The following PTPN12 variants were observed in gnomAD, a reference collection of about 807,000 sequenced individuals.
PTPN12 encodes protein tyrosine phosphatase non-receptor type 12, also known as tyrosine-protein phosphatase non-receptor type 12.
A neutral mutation model predicts 97.6 loss-of-function variants in PTPN12; 29 were observed. The ratio of observed to expected loss-of-function variants is 0.30; its 90% CI spans 0.22 to 0.41. The LOEUF is 0.41. PTPN12 is among the 10% of genes least tolerant of loss of function. PTPN12 has a pLI of 1.00. For synonymous variants in PTPN12, 327 were observed against 300.4 expected (o/e 1.09, Z -0.91); for missense variants, 819 against 926.0 (o/e 0.88, Z 1.50).
chr7:77,564,937 T>C (rs1260322341), intron 1 of PTPN12, among the ~76,000 whole-genome samples: 1 of 144,278 alleles, frequency 6.9e-6, no homozygotes, highest in East Asian at 1.9e-4. Flanking sequence ...TTTGTATTTT[T>C]AGTAGAGATG....
chr7:77,631,753 AAATG>A (rs1789405632), intron 13 of PTPN12, among the ~76,000 whole-genome samples: 1 of 152,254 alleles, frequency 6.6e-6, no homozygotes, highest in Non-Finnish European at 1.5e-5. Flanking sequence ...AGCAATAAAT[AAATG>A]AAGATTTTTT....
intron 9 of PTPN12, 91 bp from the exon 10 acceptor site, chr7:77,610,674 A>C (rs1329544351): frequency 1.6e-6 from 2 of 1,273,388 alleles, no homozygotes; most frequent in South Asian, 2.7e-5. Context: ...GTAAACCAGC[A>C]GGTATTTAAG....
intron 2 of PTPN12, among the ~76,000 whole-genome samples, chr7:77,576,704 AAAG>A (rs1279443399): frequency 2.0e-5 from 3 of 152,188 alleles, no homozygotes; most frequent in Non-Finnish European, 2.9e-5. Flanking sequence ...CTCAAAAAAA[AAAG>A]AGCACCAATG....
intron 4 of PTPN12, chr7:77,583,966 A>G: frequency 4.4e-6 from 1 of 227,662 alleles, no homozygotes; most frequent in South Asian, 6.4e-5. Flanking sequence ...ACTTGATAGT[A>G]CAGTTATACT....
chr7:77,625,530 A>T (rs6953994), intron 12 of PTPN12, among the ~76,000 whole-genome samples: 1,118 of 14,190 alleles, frequency 0.079, 40 homozygotes, highest in East Asian at 0.11. Flanking sequence ...TCTCACTCTC[A>T]CTCTCACTCG....
Position 77,637,036 on chromosome 7 carries a change from A to T in PTPN12, c.2161A>T (p.Asn721Tyr), listed in dbSNP as rs763559761. 6.2e-7 allele frequency: 1 copy of T among 1,607,784 alleles called. No homozygotes were observed. Among genetic ancestry groups the T allele is most frequent in the South Asian group, 1.1e-5 (1 of 90,486 alleles). The change falls in exon 16 of 18, where the codon AAT becomes TAT. Residue 721 changes from asparagine (N) to tyrosine (Y), a missense_variant. Physicochemically the swap from Asn to Tyr is moderately radical, Grantham distance 143. This residue lies in a region of PTPN12 where 607 missense variants were observed against 577.3 expected (regional missense o/e 1.05). Coordinates refer to ENST00000248594, the MANE Select transcript of PTPN12 (RefSeq NM_002835.4). ...KKSEGLITSE[N>Y]EKCDHPAGGI... The stretch of plus-strand genomic sequence containing the variant: ...CTCGTAGGGCTTGATAACCTCTGAA[A>T]ATGAGAAATGTGGTAAGTTGTTAGA...
chr7:77,630,869 AAGTTTTTAACAG>A (rs1789374753), intron 13 of PTPN12, among the ~76,000 whole-genome samples: 2 of 152,292 alleles, frequency 1.3e-5, no homozygotes, highest in South Asian at 4.1e-4. Flanking sequence ...TCTAAAACAA[AAGTTTTTAACAG>A]GAAAGGCAGC....
At chr7:77,574,470 A>G (rs1468947903) in intron 2 of PTPN12, among the ~76,000 whole-genome samples, 2 of 152,350 alleles carry the variant, frequency 1.3e-5, no homozygotes, top group Non-Finnish European at 2.9e-5. Context: ...GTAAGAATTT[A>G]AACACAGGCG....
At chr7:77,626,209 A>C (rs1292179876) in intron 12 of PTPN12, among the ~76,000 whole-genome samples, 2 of 152,214 alleles carry the variant, frequency 1.3e-5, no homozygotes, top group Non-Finnish European at 2.9e-5. Flanking sequence ...ATTAGGGGAA[A>C]ACAAGACACT....
At chr7:77,541,660 AT>A (rs556323131) in intron 1 of PTPN12, among the ~76,000 whole-genome samples, 21 of 152,120 alleles carry the variant, frequency 1.4e-4, no homozygotes, top group African/African-American at 3.6e-4. Flanking sequence ...CTTGATCTTT[AT>A]TTGATGGTTG....
chr7:77,607,896 G>T (rs1248808544), intron 9 of PTPN12, among the ~76,000 whole-genome samples: 1 of 152,130 alleles, frequency 6.6e-6, no homozygotes. Context: ...TGGGATTACA[G>T]GTGCCTGCCA....
chr7:77,609,452 A>G (rs932315071), intron 9 of PTPN12, among the ~76,000 whole-genome samples: 10 of 151,250 alleles, frequency 6.6e-5, no homozygotes, highest in Non-Finnish European at 7.4e-5. Flanking sequence ...TTGTATTTTT[A>G]GTAGAGATGG....
chr7:77,590,663 C>T (rs911659450), intron 5 of PTPN12, among the ~76,000 whole-genome samples: 14 of 151,428 alleles, frequency 9.2e-5, no homozygotes, highest in South Asian at 2.1e-4. Flanking sequence ...CAGGTTCAAA[C>T]GATTCTCATG....
intron 9 of PTPN12, among the ~76,000 whole-genome samples, chr7:77,609,907 C>A (rs371871365): frequency 6.6e-6 from 1 of 151,084 alleles, no homozygotes; most frequent in Non-Finnish European, 1.5e-5. Context: ...AAAAAAAACC[C>A]AAAAATCTTA....
At chr7:77,636,984 G>A (rs1326937910) in intron 15 of PTPN12, 34 bp from the exon 16 acceptor site, 4 of 1,533,440 alleles carry the variant, frequency 2.6e-6, no homozygotes, top group African/African-American at 2.7e-5. Flanking sequence ...TAAAATGAAT[G>A]TATTGTAATA....
At chr7:77,632,474 CT>C (rs1432400031) in intron 14 of PTPN12, 49 bp downstream of exon 14, 1 of 1,364,736 alleles carries the variant, frequency 7.3e-7, no homozygotes, top group Non-Finnish European at 1.0e-6. Context: ...TAATAATAAA[CT>C]CCGAAAAACA....
chr7:77,615,857 C>G (rs1351813596), intron 11 of PTPN12, among the ~76,000 whole-genome samples: 2 of 152,216 alleles, frequency 1.3e-5, no homozygotes, highest in African/African-American at 2.4e-5. Context: ...GAGACATTAA[C>G]TAGGAAATCC....
intron 6 of PTPN12, among the ~76,000 whole-genome samples, chr7:77,593,526 T>A (rs1022587124): frequency 2.0e-5 from 3 of 152,200 alleles, no homozygotes; most frequent in African/African-American, 7.2e-5. Context: ...GAGCTGATGT[T>A]CAGTTCTAGT....
chr7:77,590,912 C>T (rs1249090342), intron 5 of PTPN12, among the ~76,000 whole-genome samples: 2 of 152,024 alleles, frequency 1.3e-5, no homozygotes, highest in African/African-American at 2.4e-5. Context: ...TGGCACACGC[C>T]TGTGGTCCCA....
Sources: gnomAD v4.1 joint callset for allele counts (sites outside exome capture counted in the v4.1 genomes callset) on GRCh38, gnomAD v4.1.1 for gene constraint, gnomAD v4.1.1 regional missense constraint, MANE v1.5 for transcripts, NCBI Gene and HGNC (gene_info 2026-07-23, HGNC 2026-07-21) for gene names.